Variants in SPOCK1 observed in about 807,000 individuals in gnomAD.
SPOCK1 encodes testican-1.
A neutral mutation model predicts 55.3 loss-of-function variants in SPOCK1; 23 were observed. The ratio of observed to expected loss-of-function variants is 0.42; its 90% CI spans 0.30 to 0.59. The LOEUF is 0.59. Among genes scored for constraint, SPOCK1 ranks in the 20% least tolerant of loss-of-function variants. SPOCK1 has a pLI of 0.22. For synonymous variants in SPOCK1, 226 were observed against 221.0 expected, an observed-to-expected ratio of 1.02 and a Z score of -0.20; for missense variants, 499 against 552.5, an observed-to-expected ratio of 0.90 and a Z score of 0.97.
chr5:137,297,178 G>A (rs1170898048), intron 2 of SPOCK1, among the ~76,000 whole-genome samples: 1 of 152,182 alleles, frequency 6.6e-6, no homozygotes, highest in Non-Finnish European at 1.5e-5. Context: ...CTTTATGTGT[G>A]TGAATACACA....
chr5:137,146,246 C>CT (rs1156831825), intron 3 of SPOCK1, among the ~76,000 whole-genome samples: 1 of 151,780 alleles, frequency 6.6e-6, no homozygotes, highest in Non-Finnish European at 1.5e-5. Context: ...AACCTCCTTC[C>CT]TCCCTCTCCC....
chr5:137,163,145 G>A (rs1156311894), intron 3 of SPOCK1, among the ~76,000 whole-genome samples: 5 of 151,592 alleles, frequency 3.3e-5, no homozygotes, highest in Non-Finnish European at 7.4e-5. Context: ...AATTAATTAA[G>A]AGAGATGGGA....
Position 137,049,230 on chromosome 5 carries a change from G to T in SPOCK1, c.589+18485C>A, listed in dbSNP as rs1321058361. Among the ~76,000 whole-genome samples, 6 of 64,144 alleles carry T rather than the reference G, an allele frequency of 9.4e-5. No individual in the cohort carries two copies. In the Admixed American group the frequency reaches 1.2e-3, roughly 13 times the overall value. The allele number at this position is 64,144 out of a possible 152,430, so 42.1% of individuals were successfully genotyped here. On this transcript the variant is annotated intron_variant, in intron 6 of 10. Transcript: ENST00000394945. Reference sequence around the variant, plus strand: ...AAGTTCTCCTGGATAATATCCTGCAGAGTGTTTTCCAACTTGGTTCCATTC... The same window carrying T: ...AAGTTCTCCTGGATAATATCCTGCATAGTGTTTTCCAACTTGGTTCCATTC...
chr5:136,997,055 G>A (rs1224356300), intron 6 of SPOCK1, among the ~76,000 whole-genome samples: 5 of 152,108 alleles, frequency 3.3e-5, no homozygotes, highest in African/African-American at 1.2e-4. Context: ...ACCAACTCCA[G>A]ACACACTACT....
In SPOCK1 at chr5:137,356,798, A is replaced by ATATATATAT. The variant is rs1491351108; in HGVS notation, c.187-89744_187-89743insATATATATA. On this transcript the variant is annotated intron_variant, in intron 2 of 10. Transcript: ENST00000394945. ...AGAGCAAGACTGTCTCAAAAAAAAT[A>ATATATATAT]ATATATATATATATATATATATATA... Among the ~76,000 whole-genome samples, 49 of 13,734 alleles carry ATATATATAT rather than the reference A, an allele frequency of 3.6e-3. 2 individuals carry two copies. Among genetic ancestry groups the ATATATATAT allele is most frequent in the Admixed American group, 6.5e-3 (5 of 768 alleles). 9.0% of individuals were successfully genotyped at this position (13,734 alleles called of 152,430 possible). A position where few individuals can be genotyped will look rare whatever the true frequency, so the allele number is the denominator to read the frequency against.
Position 136,978,450 on chromosome 5 carries a change from A to AAAAAAC in SPOCK1, c.*203_*204insGTTTTT. Reference sequence around the variant, plus strand: ...CCAAAAAATAAACAACAACAAAAAAAAAACACAACACCCTTTCTCCCATAC... The same window carrying AAAAAAC: ...CCAAAAAATAAACAACAACAAAAAAAAAAAACAAACACAACACCCTTTCTCCCATAC... On this transcript the variant is annotated 3_prime_UTR_variant, in exon 11 of 11. Coordinates refer to ENST00000394945, the MANE Select transcript of SPOCK1 (RefSeq NM_004598.4). The AAAAAAC allele has an allele frequency of 2.2e-6, 1 of 447,990 alleles. No individual in the cohort carries two copies. The highest frequency in any genetic ancestry group is 3.8e-6 in the Non-Finnish European group (1 of 264,506). The allele number at this position is 447,990 out of a possible 1,614,324, so 27.8% of individuals were successfully genotyped here. A position where few individuals can be genotyped will look rare whatever the true frequency, so the allele number is the denominator to read the frequency against.
intron 3 of SPOCK1, among the ~76,000 whole-genome samples, chr5:137,233,407 C>T (rs576886768): frequency 2.1e-4 from 32 of 152,238 alleles, no homozygotes; most frequent in African/African-American, 7.2e-4. Context: ...CAACAGGGTT[C>T]ATGTGCCTAT....
chr5:137,128,336 A>G (rs1186789319), intron 4 of SPOCK1, among the ~76,000 whole-genome samples: 2 of 152,206 alleles, frequency 1.3e-5, no homozygotes, highest in African/African-American at 4.8e-5. Flanking sequence ...CTAAGATAAC[A>G]ACTGACATTA....
At chr5:137,359,497 T>G (rs919822979) in intron 2 of SPOCK1, among the ~76,000 whole-genome samples, 1 of 152,228 alleles carries the variant, frequency 6.6e-6, no homozygotes, top group Non-Finnish European at 1.5e-5. Context: ...TTATTGAGTA[T>G]CTACGACAGG....
chr5:137,157,361 C>T (rs1402553176), intron 3 of SPOCK1, among the ~76,000 whole-genome samples: 1 of 152,196 alleles, frequency 6.6e-6, no homozygotes, highest in East Asian at 1.9e-4. Context: ...GCTTAACAGG[C>T]TGTGTCATTA....
At chr5:137,374,705 G>A (rs1250575464) in intron 2 of SPOCK1, among the ~76,000 whole-genome samples, 5 of 152,228 alleles carry the variant, frequency 3.3e-5, no homozygotes, top group Non-Finnish European at 7.3e-5. Context: ...CACCCTTGCT[G>A]AGGGGAACAC....
chr5:137,430,789 AC>A (rs1276701598), intron 2 of SPOCK1, among the ~76,000 whole-genome samples: 1 of 152,128 alleles, frequency 6.6e-6, no homozygotes, highest in African/African-American at 2.4e-5. Flanking sequence ...ACCGTAACTG[AC>A]TGTTGAGTGG....
chr5:137,494,029 C>A (rs1754246023), intron 2 of SPOCK1, among the ~76,000 whole-genome samples: 1 of 152,168 alleles, frequency 6.6e-6, no homozygotes, highest in Admixed American at 6.5e-5. Flanking sequence ...ACACTCAGGT[C>A]ACTCCACAGT....
rs558337687 is a variant in SPOCK1 at position 137,368,767 on chromosome 5, C to T, written c.187-101712G>A. 6.6e-5 allele frequency among the ~76,000 whole-genome samples: 10 copies of T among 152,328 alleles called. No individual in the cohort carries two copies. In the South Asian group the frequency reaches 1.7e-3, roughly 25 times the overall value. On this transcript the variant is annotated intron_variant, in intron 2 of 10. Coordinates refer to ENST00000394945, the MANE Select transcript of SPOCK1 (RefSeq NM_004598.4). ...CCCTGTCCCCACTGCTTCCACATCT[C>T]CCATGTGTCTCCCTTCACCACTGCA...
At chr5:137,065,471 C>T (rs1477209335) in intron 6 of SPOCK1, among the ~76,000 whole-genome samples, 4 of 152,146 alleles carry the variant, frequency 2.6e-5, no homozygotes, top group Admixed American at 2.6e-4. Context: ...GTTTGAACTA[C>T]TGACACTTCA....
At chr5:137,064,776 A>G (rs1561596157) in intron 6 of SPOCK1, among the ~76,000 whole-genome samples, 1 of 152,194 alleles carries the variant, frequency 6.6e-6, no homozygotes, top group South Asian at 2.1e-4. Flanking sequence ...AGAGGTGTCA[A>G]ATCAAAGGAA....
At chr5:137,309,844 G>A (rs973690446) in intron 2 of SPOCK1, among the ~76,000 whole-genome samples, 1 of 152,022 alleles carries the variant, frequency 6.6e-6, no homozygotes, top group Non-Finnish European at 1.5e-5. Flanking sequence ...TGCTCAAACA[G>A]TGAGTACCCC....
At chr5:137,206,317 C>A (rs896895486) in intron 3 of SPOCK1, among the ~76,000 whole-genome samples, 1 of 152,222 alleles carries the variant, frequency 6.6e-6, no homozygotes, top group East Asian at 1.9e-4. Context: ...GAGCTTCATG[C>A]CCCCAAGGCC....
intron 2 of SPOCK1, among the ~76,000 whole-genome samples, chr5:137,449,344 C>T (rs1198779407): frequency 3.3e-5 from 5 of 152,220 alleles, no homozygotes; most frequent in Non-Finnish European, 5.9e-5. Context: ...TGCTCTACCC[C>T]ACCTCTCTCC....
Sources: allele counts gnomAD v4.1 joint callset (sites outside exome capture counted in the v4.1 genomes callset), GRCh38; gene constraint gnomAD v4.1.1; transcripts MANE v1.5; gene names NCBI Gene and HGNC (gene_info 2026-07-23, HGNC 2026-07-21).